Variants in SLC22A24 observed in about 807,000 individuals in gnomAD.
SLC22A24 encodes solute carrier family 22 member 24.
SLC22A24 carries 53 observed loss-of-function variants against 49.8 expected under a neutral mutation model. That is an observed-to-expected ratio of 1.06 (90% CI 0.85 to 1.34). The LOEUF is 1.34. Among genes scored for constraint, SLC22A24 ranks in the 40% most tolerant of loss-of-function variants. The pLI, the probability that SLC22A24 is intolerant of heterozygous loss-of-function variation, is 0.00. For missense variants in SLC22A24, 786 were observed against 675.9 expected (o/e 1.16, Z -1.81); for synonymous variants, 302 against 256.4 (o/e 1.18, Z -1.70).
At chr11:63,132,497 C>G (rs1426382518) in intron 2 of SLC22A24, among the ~76,000 whole-genome samples, 2 of 151,876 alleles carry the variant, frequency 1.3e-5, no homozygotes, top group East Asian at 3.9e-4. Flanking sequence ...GATGGTGATG[C>G]TATTCCTTTC....
At chr11:63,101,109 G>T (rs2087088007) in intron 5 of SLC22A24, among the ~76,000 whole-genome samples, 1 of 152,022 alleles carries the variant, frequency 6.6e-6, no homozygotes, top group Non-Finnish European at 1.5e-5. Flanking sequence ...AAGGTAAAGA[G>T]ACAGCCTGCA....
chr11:63,083,514 A>G (rs1275505009), intron 6 of SLC22A24, 57 bp from the exon 7 acceptor site: 3 of 1,370,222 alleles, frequency 2.2e-6, no homozygotes, highest in East Asian at 2.5e-5. Flanking sequence ...CCTAGGAAAC[A>G]TTTTCTGAGA....
chr11:63,099,491 C>T (rs1275471678), intron 5 of SLC22A24, among the ~76,000 whole-genome samples: 1 of 140,024 alleles, frequency 7.1e-6, no homozygotes, highest in African/African-American at 2.7e-5. Flanking sequence ...GCTGGCCTTA[C>T]CAAACATTTA....
intron 6 of SLC22A24, among the ~76,000 whole-genome samples, chr11:63,085,715 G>T (rs371835984): frequency 1.3e-5 from 2 of 152,132 alleles, no homozygotes; most frequent in Non-Finnish European, 2.9e-5. Context: ...CAGTGCCTTC[G>T]CACATTTTAT....
chr11:63,083,099 G>C (rs2086968620), intron 7 of SLC22A24, 144 bp downstream of exon 7: 2 of 675,806 alleles, frequency 3.0e-6, no homozygotes, highest in African/African-American at 3.6e-5. Flanking sequence ...GTCAGAATCA[G>C]TTCCAAACCC....
chr11:63,115,895 A>G lies in SLC22A24; in HGVS notation c.830+3017T>C, dbSNP rs190268475. On this transcript the variant is annotated intron_variant, in intron 4 of 9. Transcript: ENST00000612278. ...GAGATATCCACTCTGAAGTCTTTGT[A>G]GGGGCTTGGGCACCTTTGGGAGCCT... 6 of 284,426 alleles carry G rather than the reference A, an allele frequency of 2.1e-5. 1 individual carries two copies. Among genetic ancestry groups the G allele is most frequent in the African/African-American group, 8.7e-5 (4 of 45,804 alleles). The allele number at this position is 284,426 out of a possible 1,614,324, so 17.6% of individuals were successfully genotyped here. A position where few individuals can be genotyped will look rare whatever the true frequency, so the allele number is the denominator to read the frequency against.
intron 4 of SLC22A24, chr11:63,116,239 C>G: frequency 3.0e-6 from 1 of 336,400 alleles, no homozygotes; most frequent in South Asian, 7.4e-5. Flanking sequence ...GGGTCCACAC[C>G]CTTAAGAGAT....
rs1231941660 is a variant in SLC22A24 at position 63,134,564 on chromosome 11, C to T, written c.506+101G>A. On this transcript the variant is annotated intron_variant, in intron 2 of 9. Transcript: ENST00000612278. ...CAGAAAGAGAGATCAGCACATAGCACAATGCAAAGTATACAGTAAGAGCTC... is the reference window on the plus strand; with the variant it reads ...CAGAAAGAGAGATCAGCACATAGCATAATGCAAAGTATACAGTAAGAGCTC... The T allele has an allele frequency of 2.1e-5, 15 of 702,836 alleles. No homozygotes were observed. The Admixed American group carries it at 3.9e-4, about 18-fold the overall frequency. The allele number at this position is 702,836 out of a possible 1,614,324, so 43.5% of individuals were successfully genotyped here. A position where few individuals can be genotyped will look rare whatever the true frequency, so the allele number is the denominator to read the frequency against.
At chr11:63,130,737 T>C (rs1490474798) in intron 2 of SLC22A24, among the ~76,000 whole-genome samples, 2 of 152,210 alleles carry the variant, frequency 1.3e-5, no homozygotes, top group African/African-American at 4.8e-5. Flanking sequence ...ATCAATTTCT[T>C]CTAGATTTTC....
chr11:63,138,219 G>A (rs893350252), intron 1 of SLC22A24, among the ~76,000 whole-genome samples: 1 of 152,134 alleles, frequency 6.6e-6, no homozygotes, highest in African/African-American at 2.4e-5. Context: ...GTGTCCTTAA[G>A]AGCTCAACCT....
At chr11:63,090,797 T>C (rs745987973) in intron 6 of SLC22A24, among the ~76,000 whole-genome samples, 6 of 152,098 alleles carry the variant, frequency 3.9e-5, no homozygotes, top group African/African-American at 1.4e-4. Flanking sequence ...GAAAGAAATT[T>C]TGTAGCCCTG....
At position 63,140,105 on chromosome 11, in the gene SLC22A24, C is replaced by T. The variant is rs1287881080; in HGVS notation, c.402+3273G>A. Among the ~76,000 whole-genome samples the T allele has an allele frequency of 2.6e-4, 27 of 105,702 alleles. 1 individual carries two copies. Among genetic ancestry groups the T allele is most frequent in the African/African-American group, 7.5e-4 (21 of 27,934 alleles). 69.3% of individuals were successfully genotyped at this position (105,702 alleles called of 152,430 possible). A position where few individuals can be genotyped will look rare whatever the true frequency, so the allele number is the denominator to read the frequency against. ...TTTTTTTTGTTTTTTTTTTTTGAGA[C>T]GGGGTCTTGCTCTGTCACCAGGCTG... is the stretch of plus-strand genomic sequence containing the variant. On this transcript the variant is annotated intron_variant, in intron 1 of 9. Coordinates refer to ENST00000612278, the MANE Select transcript of SLC22A24 (RefSeq NM_001136506.2).
intron 2 of SLC22A24, among the ~76,000 whole-genome samples, chr11:63,127,748 CAT>C (rs1178439247): frequency 1.3e-5 from 2 of 152,106 alleles, no homozygotes; most frequent in Non-Finnish European, 2.9e-5. Context: ...AACATTTTTT[CAT>C]ATGTCTGTTT....
intron 4 of SLC22A24, among the ~76,000 whole-genome samples, chr11:63,114,602 G>T: frequency 6.6e-6 from 1 of 152,210 alleles, no homozygotes; most frequent in East Asian, 1.9e-4. Context: ...TCTGTTGCTT[G>T]TGAGGAGCTG....
chr11:63,104,583 G>T (rs367907812), intron 4 of SLC22A24, among the ~76,000 whole-genome samples: 1 of 152,098 alleles, frequency 6.6e-6, no homozygotes, highest in African/African-American at 2.4e-5. Context: ...AAGAAAGAAA[G>T]GTTTAATGAA....
At chr11:63,133,545 G>C (rs1424572236) in intron 2 of SLC22A24, among the ~76,000 whole-genome samples, 1 of 152,216 alleles carries the variant, frequency 6.6e-6, no homozygotes, top group Non-Finnish European at 1.5e-5. Flanking sequence ...TTCAGTGACA[G>C]CCATGGTTGA....
chr11:63,089,952 G>A (rs1208461845), intron 6 of SLC22A24, among the ~76,000 whole-genome samples: 1 of 151,634 alleles, frequency 6.6e-6, no homozygotes, highest in East Asian at 2.0e-4. Flanking sequence ...GTGGTGGTGG[G>A]CGCCTGTCGT....
chr11:63,098,806 G>A (rs1355586288), intron 5 of SLC22A24, among the ~76,000 whole-genome samples: 1 of 151,944 alleles, frequency 6.6e-6, no homozygotes, highest in Non-Finnish European at 1.5e-5. Flanking sequence ...AAATGAAATT[G>A]AGAGAAAACA....
chr11:63,117,439 C>T (rs896502209), intron 4 of SLC22A24, among the ~76,000 whole-genome samples: 1 of 152,168 alleles, frequency 6.6e-6, no homozygotes, highest in Non-Finnish European at 1.5e-5. Context: ...AGGCAGTTTA[C>T]ATCTCTGCCT....
Sources: allele counts gnomAD v4.1 joint callset (sites outside exome capture counted in the v4.1 genomes callset), GRCh38; gene constraint gnomAD v4.1.1; transcripts MANE v1.5; gene names NCBI Gene and HGNC (gene_info 2026-07-23, HGNC 2026-07-21).